ZNF385D: variants seen among roughly 807,000 people sequenced by gnomAD.
ZNF385D encodes zinc finger protein 385D, also known as zinc finger protein 659.
Under a neutral mutation model 35.8 loss-of-function variants are expected in ZNF385D, and 15 were observed. That is an observed-to-expected ratio of 0.42 (90% CI 0.28 to 0.64). ZNF385D has a LOEUF of 0.64. Among genes scored for constraint, ZNF385D ranks in the 30% least tolerant of loss-of-function variants. The probability of loss-of-function intolerance (pLI) is 0.23; values close to 1 mark genes in which losing one functional copy is unlikely to be tolerated. For synonymous variants in ZNF385D, 212 were observed against 186.8 expected, an observed-to-expected ratio of 1.13 and a Z score of -1.10; for missense variants, 474 against 494.6, an observed-to-expected ratio of 0.96 and a Z score of 0.39.
At chr3:21,972,076 T>C (rs1441491557) in intron 3 of ZNF385D, among the ~76,000 whole-genome samples, 2 of 151,862 alleles carry the variant, frequency 1.3e-5, no homozygotes, top group East Asian at 1.9e-4. Context: ...CAAAGAAAAA[T>C]TGAACTTGAT....
intron 4 of ZNF385D, among the ~76,000 whole-genome samples, chr3:21,474,017 T>C (rs1413061450): frequency 2.0e-5 from 3 of 152,120 alleles, no homozygotes; most frequent in Non-Finnish European, 4.4e-5. Context: ...TATGTGTGTG[T>C]GTATATATAT....
At chr3:21,504,962 C>A (rs1706662553) in intron 4 of ZNF385D, among the ~76,000 whole-genome samples, 1 of 151,864 alleles carries the variant, frequency 6.6e-6, no homozygotes, top group South Asian at 2.1e-4. Flanking sequence ...GAGGCTAGGG[C>A]AAATGTATGT....
intron 5 of ZNF385D, among the ~76,000 whole-genome samples, chr3:21,431,624 C>T (rs1701296907): frequency 6.6e-6 from 1 of 152,028 alleles, no homozygotes; most frequent in African/African-American, 2.4e-5. Context: ...TCAAATATGC[C>T]CTGTATGGCC....
intron 3 of ZNF385D, chr3:21,511,836 G>A: frequency 4.5e-6 from 2 of 440,318 alleles, no homozygotes; most frequent in Non-Finnish European, 9.0e-6. Flanking sequence ...TTTTTTTTTT[G>A]TGGGGGAGCG....
At chr3:21,777,829 G>C (rs1434267929) in intron 3 of ZNF385D, 1 of 151,832 alleles carries the variant, frequency 6.6e-6, no homozygotes, top group Non-Finnish European at 1.5e-5. Context: ...ATCACGATGA[G>C]AAAAACCTAC....
chr3:21,753,782 GT>G (rs1485466465), upstream of ZNF385D, among the ~76,000 whole-genome samples: 12 of 108,208 alleles, frequency 1.1e-4, no homozygotes, highest in East Asian at 2.5e-3. Context: ...TGTTGTTGTT[GT>G]TGTTGTTGTG....
chr3:21,541,255 T>C (rs1450189365), intron 3 of ZNF385D, among the ~76,000 whole-genome samples: 1 of 152,156 alleles, frequency 6.6e-6, no homozygotes, highest in Non-Finnish European at 1.5e-5. Flanking sequence ...CCAATCACCA[T>C]AAGAAACTTT....
At chr3:21,811,945 T>C (rs545916530) in intron 3 of ZNF385D, among the ~76,000 whole-genome samples, 38 of 152,268 alleles carry the variant, frequency 2.5e-4, no homozygotes, top group Middle Eastern at 3.4e-3. Context: ...ACAACAGACA[T>C]TTTGTGCCTT....
intron 2 of ZNF385D, among the ~76,000 whole-genome samples, chr3:21,647,260 C>T (rs767242518): frequency 6.6e-6 from 1 of 152,038 alleles, no homozygotes; most frequent in Non-Finnish European, 1.5e-5. Flanking sequence ...GTAAATTATT[C>T]CAGATCTACA....
intron 1 of ZNF385D, among the ~76,000 whole-genome samples, chr3:21,738,381 A>G (rs1331666292): frequency 6.6e-6 from 1 of 152,172 alleles, no homozygotes; most frequent in Non-Finnish European, 1.5e-5. Flanking sequence ...TTCCCATTTA[A>G]AAACAGGAAT....
chr3:22,153,675 G>T (rs533085907), intron 3 of ZNF385D, among the ~76,000 whole-genome samples: 1 of 152,032 alleles, frequency 6.6e-6, no homozygotes, highest in South Asian at 2.1e-4. Context: ...TGTTGGTCAG[G>T]CTGGTCTTGA....
intron 4 of ZNF385D, among the ~76,000 whole-genome samples, chr3:21,478,625 G>T (rs949104316): frequency 3.9e-5 from 6 of 152,102 alleles, no homozygotes; most frequent in Non-Finnish European, 8.8e-5. Context: ...ATATTTTCTA[G>T]TCAAAATCCT....
intron 3 of ZNF385D, among the ~76,000 whole-genome samples, chr3:21,989,398 A>C (rs569013064): frequency 1.3e-5 from 2 of 152,292 alleles, no homozygotes; most frequent in African/African-American, 4.8e-5. Context: ...GTAGGAATAC[A>C]GTTATGATTT....
intron 2 of ZNF385D, among the ~76,000 whole-genome samples, chr3:22,354,852 T>C (rs1198405828): frequency 6.6e-6 from 1 of 152,006 alleles, no homozygotes; most frequent in Non-Finnish European, 1.5e-5. Flanking sequence ...TTAAGCAAAA[T>C]TTGAAATTCA....
intron 1 of ZNF385D, among the ~76,000 whole-genome samples, chr3:21,749,480 T>C (rs1447867529): frequency 6.6e-6 from 1 of 152,216 alleles, no homozygotes; most frequent in Non-Finnish European, 1.5e-5. Flanking sequence ...GCTGAAATTG[T>C]ATTTTGTCCA....
intron 1 of ZNF385D, among the ~76,000 whole-genome samples, chr3:21,723,967 C>A (rs1255999593): frequency 6.6e-6 from 1 of 152,150 alleles, no homozygotes; most frequent in African/African-American, 2.4e-5. Flanking sequence ...AGGAACCCTA[C>A]AAGCCAGAAG....
chr3:22,126,213 T>C (rs1349378559), intron 3 of ZNF385D, among the ~76,000 whole-genome samples: 2 of 151,976 alleles, frequency 1.3e-5, no homozygotes, highest in Admixed American at 6.6e-5. Context: ...ATGTATCATA[T>C]TGACTGATTT....
At chr3:21,542,285 A>C (rs1234463998) in intron 3 of ZNF385D, among the ~76,000 whole-genome samples, 1 of 152,134 alleles carries the variant, frequency 6.6e-6, no homozygotes, top group Admixed American at 6.5e-5. Flanking sequence ...CATTTTTATC[A>C]AAATGCAGAA....
chr3:21,827,403 T>C (rs1694709446), intron 3 of ZNF385D, among the ~76,000 whole-genome samples: 1 of 152,230 alleles, frequency 6.6e-6, no homozygotes, highest in African/African-American at 2.4e-5. Context: ...TTAAGCCTTT[T>C]ACATGTTTCT....
Sources: gnomAD v4.1 joint callset for allele counts (sites outside exome capture counted in the v4.1 genomes callset) on GRCh38, gnomAD v4.1.1 for gene constraint, MANE v1.5 for transcripts, NCBI Gene and HGNC (gene_info 2026-07-23, HGNC 2026-07-21) for gene names.